Variants in MAPK10 observed in about 807,000 individuals in gnomAD.
MAPK10 encodes mitogen-activated protein kinase 10.
In MAPK10, 25 loss-of-function variants were observed where a neutral mutation model predicts 59.3. The ratio of observed to expected loss-of-function variants is 0.42; its 90% CI spans 0.31 to 0.59. The LOEUF (loss-of-function observed/expected upper bound fraction) is 0.59, where lower values mean the gene tolerates loss of function less well. Among genes scored for constraint, MAPK10 ranks in the 20% least tolerant of loss-of-function variants. MAPK10 has a pLI of 0.15. For missense variants in MAPK10, 351 were observed against 568.9 expected, an observed-to-expected ratio of 0.62 and a Z score of 3.90; for synonymous variants, 190 against 200.5, an observed-to-expected ratio of 0.95 and a Z score of 0.44.
At chr4:86,097,363 G>T (rs1272651362) in intron 9 of MAPK10, among the ~76,000 whole-genome samples, 2 of 151,718 alleles carry the variant, frequency 1.3e-5, no homozygotes, top group Non-Finnish European at 3.0e-5. Flanking sequence ...AGCTTATTAT[G>T]GTACCCACTT....
chr4:86,546,225 A>G (rs971690180), intron 1 of MAPK10, among the ~76,000 whole-genome samples: 3 of 151,102 alleles, frequency 2.0e-5, no homozygotes, highest in Non-Finnish European at 4.4e-5. Flanking sequence ...TCTTGTCTCC[A>G]AAAATAAAAA....
chr4:86,412,418 C>A (rs1338308529), intron 1 of MAPK10, among the ~76,000 whole-genome samples: 2 of 152,102 alleles, frequency 1.3e-5, no homozygotes, highest in African/African-American at 4.8e-5. Context: ...GTGGTGTTCT[C>A]CGTATTTCCT....
intron 1 of MAPK10, chr4:86,356,526 A>G: frequency 6.9e-6 from 6 of 870,714 alleles, no homozygotes; most frequent in Non-Finnish European, 6.9e-6. Context: ...CTCCCTATTA[A>G]ATACAGAAAA....
rs2148881657 is a variant in MAPK10, at chr4:86,011,084, G to A, written c.*6144C>T. ...ACATAAGGTAGAAAATTTCAAAGGA[G>A]TGTTTGACTTGTTGCTGGATGTGTC... On this transcript the variant is annotated 3_prime_UTR_variant, in exon 14 of 14. Coordinates refer to ENST00000641462, the MANE Select transcript of MAPK10 (RefSeq NM_138982.4). The A allele has an allele frequency of 6.6e-6, 1 of 152,366 alleles. No homozygotes were observed. Among genetic ancestry groups the A allele is most frequent in the South Asian group, 2.1e-4 (1 of 4,828 alleles). 9.4% of individuals were successfully genotyped at this position (152,366 alleles called of 1,614,324 possible). A position where few individuals can be genotyped will look rare whatever the true frequency, so the allele number is the denominator to read the frequency against.
chr4:86,139,202 C>T (rs1450732106), intron 4 of MAPK10, among the ~76,000 whole-genome samples: 56 of 144,910 alleles, frequency 3.9e-4, no homozygotes, highest in Non-Finnish European at 6.0e-4. Context: ...CATATGGAAC[C>T]AAAAAAGAGC....
intron 2 of MAPK10, among the ~76,000 whole-genome samples, chr4:86,224,547 G>A (rs963515084): frequency 3.9e-5 from 6 of 152,122 alleles, no homozygotes; most frequent in East Asian, 1.9e-4. Context: ...GAAGAGCTTC[G>A]GGGTAAGCAT....
intron 1 of MAPK10, among the ~76,000 whole-genome samples, chr4:86,375,921 C>A (rs1392353540): frequency 1.3e-5 from 2 of 152,052 alleles, no homozygotes; most frequent in Non-Finnish European, 2.9e-5. Context: ...TAAATTAATT[C>A]TCTCAGTTCC....
chr4:86,397,108 A>C (rs1214076847), intron 1 of MAPK10, among the ~76,000 whole-genome samples: 1 of 152,196 alleles, frequency 6.6e-6, no homozygotes, highest in African/African-American at 2.4e-5. Flanking sequence ...AAAAAAGATG[A>C]ACACATAATA....
intron 3 of MAPK10, among the ~76,000 whole-genome samples, chr4:86,169,076 T>A (rs1231442693): frequency 6.6e-6 from 1 of 151,630 alleles, no homozygotes; most frequent in Non-Finnish European, 1.5e-5. Flanking sequence ...ATCACCATCA[T>A]CAAAGACCAA....
intron 13 of MAPK10, among the ~76,000 whole-genome samples, chr4:86,018,687 C>T (rs938814829): frequency 2.0e-5 from 3 of 152,152 alleles, no homozygotes; most frequent in African/African-American, 7.2e-5. Context: ...TTCTTTATAC[C>T]TAAGCAATCT....
chr4:86,149,423 C>T (rs1173337527), intron 4 of MAPK10, among the ~76,000 whole-genome samples: 6 of 152,128 alleles, frequency 3.9e-5, no homozygotes, highest in South Asian at 4.1e-4. Flanking sequence ...CCCACCACCA[C>T]GCCTGGCTAA....
At chr4:86,067,345 T>C (rs1472749789) in intron 10 of MAPK10, among the ~76,000 whole-genome samples, 2 of 152,088 alleles carry the variant, frequency 1.3e-5, no homozygotes, top group African/African-American at 4.8e-5. Context: ...AGTTTCACCA[T>C]GTTGGCCAGG....
At chr4:86,106,211 A>G (rs1367898752) in intron 5 of MAPK10, among the ~76,000 whole-genome samples, 2 of 152,112 alleles carry the variant, frequency 1.3e-5, no homozygotes, top group Admixed American at 6.6e-5. Flanking sequence ...TCAACTTAAT[A>G]CTAACACATT....
intron 1 of MAPK10, among the ~76,000 whole-genome samples, chr4:86,356,144 T>C (rs1055398639): frequency 2.0e-5 from 3 of 152,148 alleles, no homozygotes; most frequent in South Asian, 2.1e-4. Context: ...AATTGCCTTA[T>C]AGGGAAGCTT....
chr4:86,322,972 C>A (rs537983640), intron 2 of MAPK10, among the ~76,000 whole-genome samples: 1 of 152,110 alleles, frequency 6.6e-6, no homozygotes, highest in East Asian at 1.9e-4. Context: ...GTCAGGAGTT[C>A]GAGGCCAACC....
chr4:86,153,761 C>T (rs1300658348), intron 4 of MAPK10, among the ~76,000 whole-genome samples: 1 of 152,046 alleles, frequency 6.6e-6, no homozygotes, highest in Non-Finnish European at 1.5e-5. Flanking sequence ...TGCAAAGAGG[C>T]CTAGGAGAAC....
intron 9 of MAPK10, among the ~76,000 whole-genome samples, chr4:86,076,007 G>T (rs1435598097): frequency 6.6e-6 from 1 of 151,812 alleles, no homozygotes; most frequent in Non-Finnish European, 1.5e-5. Context: ...CTGGGGCCTT[G>T]CAGTTTGATC....
intron 2 of MAPK10, among the ~76,000 whole-genome samples, chr4:86,269,818 G>C (rs2094375363): frequency 6.6e-6 from 1 of 152,032 alleles, no homozygotes; most frequent in South Asian, 2.1e-4. Flanking sequence ...TCAATATTTG[G>C]TGTCACTCCT....
rs550638707 is a variant in MAPK10 at position 86,190,371 on chromosome 4, G to A, written c.66+3965C>T. ...TAGAATTCAGCTGTGAATCTGTCTG[G>A]TCCTGGGCTTTTTTTGGTTGGTAGG... On this transcript the variant is annotated intron_variant, in intron 3 of 13. Transcript: ENST00000641462. Among the ~76,000 whole-genome samples, 25 of 152,220 alleles carry A rather than the reference G, an allele frequency of 1.6e-4. No individual in the cohort carries two copies. The South Asian group carries it at 5.2e-3, about 32-fold the overall frequency.
Sources: gnomAD v4.1 joint callset for allele counts (sites outside exome capture counted in the v4.1 genomes callset) on GRCh38, gnomAD v4.1.1 for gene constraint, MANE v1.5 for transcripts, NCBI Gene and HGNC (gene_info 2026-07-23, HGNC 2026-07-21) for gene names.